Variants in AOPEP observed in about 807,000 individuals in gnomAD.
AOPEP encodes the protein aminopeptidase O.
A neutral mutation model predicts 98.1 loss-of-function variants in AOPEP; 77 were observed. The ratio of observed to expected loss-of-function variants is 0.78; its 90% CI spans 0.65 to 0.95. The LOEUF is 0.95. AOPEP is among the 40% of genes least tolerant of loss of function. The pLI, the probability that AOPEP is intolerant of heterozygous loss-of-function variation, is 0.00. For missense variants in AOPEP, 1,024 were observed against 1,024.7 expected, an observed-to-expected ratio of 1.00 and a Z score of 0.01; for synonymous variants, 346 against 365.3, an observed-to-expected ratio of 0.95 and a Z score of 0.60.
chr9:94,727,287 A>G (rs988498834), intron 1 of AOPEP, among the ~76,000 whole-genome samples: 6 of 152,270 alleles, frequency 3.9e-5, no homozygotes, highest in Non-Finnish European at 5.9e-5. Flanking sequence ...TCATGAACGC[A>G]TGCATGGGCG....
At chr9:95,061,726 C>A (rs186071819) in intron 14 of AOPEP, among the ~76,000 whole-genome samples, 1 of 152,030 alleles carries the variant, frequency 6.6e-6, no homozygotes. Context: ...GAGAAAAGCC[C>A]GTTCCTTATT....
At chr9:94,873,867 T>G (rs1325112364) in intron 5 of AOPEP, among the ~76,000 whole-genome samples, 1 of 152,170 alleles carries the variant, frequency 6.6e-6, no homozygotes, top group Non-Finnish European at 1.5e-5. Flanking sequence ...CTGACATGTT[T>G]AGTCAAGTTA....
the AOPEP span, chr9:95,101,035 C>A: frequency 1.3e-5 from 3 of 234,318 alleles, no homozygotes; most frequent in East Asian, 1.8e-4. Flanking sequence ...ACATCCTCTA[C>A]CTTCGCCTGC....
At chr9:94,916,537 C>G (rs1248619721) in intron 5 of AOPEP, among the ~76,000 whole-genome samples, 6 of 151,840 alleles carry the variant, frequency 4.0e-5, no homozygotes. Flanking sequence ...ACTCCCGTCT[C>G]TACTAAAATA....
the AOPEP span, among the ~76,000 whole-genome samples, chr9:95,126,202 ATT>A: frequency 6.6e-6 from 1 of 152,202 alleles, no homozygotes; most frequent in African/African-American, 2.4e-5. Flanking sequence ...AAGGGAGTAT[ATT>A]GCTACCCTTT....
chr9:94,789,041 A>G (rs1288354699), intron 3 of AOPEP, among the ~76,000 whole-genome samples: 1 of 152,112 alleles, frequency 6.6e-6, no homozygotes. Flanking sequence ...TGGAGCTTCT[A>G]AGGGGTAAAA....
At chr9:94,750,129 A>G (rs1463235639) in intron 1 of AOPEP, among the ~76,000 whole-genome samples, 2 of 152,210 alleles carry the variant, frequency 1.3e-5, no homozygotes, top group East Asian at 1.9e-4. Context: ...GATCTCCTCC[A>G]TACTTGCATG....
the AOPEP span, chr9:95,101,502 T>C: frequency 6.2e-6 from 4 of 641,728 alleles, no homozygotes; most frequent in South Asian, 3.7e-5. Flanking sequence ...TTAGTGAACA[T>C]GTCTGACTGA....
the AOPEP span, chr9:95,126,636 A>G: frequency 1.3e-6 from 2 of 1,573,040 alleles, no homozygotes; most frequent in East Asian, 2.2e-5. Flanking sequence ...TTTCTCAGAA[A>G]CTTGCTATTA....
chr9:94,760,406 G>C lies in AOPEP; in HGVS notation c.623G>C (p.Arg208Pro). The change falls in exon 2 of 17, where the codon CGC becomes CCC. Residue 208 changes from arginine (R) to proline (P), a missense_variant. Physicochemically the swap from Arg to Pro is moderately radical, Grantham distance 103 (BLOSUM62 -2). Around this residue, in one of 3 missense-constraint regions of AOPEP, gnomAD observed 440 missense variants for 433.8 expected, o/e 1.01. Transcript: ENST00000375315. The part of the protein sequence containing the change: ...RWREQLDYYA[R>P]CSQAPGCGEL... The stretch of plus-strand genomic sequence containing the variant: ...AGGGAGCAGTTAGACTATTACGCTC[G>C]CTGCAGCCAGGCTCCTGGCTGTGGG... 6.2e-7 allele frequency: 1 copy of C among 1,613,934 alleles called. No individual in the cohort carries two copies. Among genetic ancestry groups the C allele is most frequent in the South Asian group, 1.1e-5 (1 of 91,052 alleles).
In AOPEP at chr9:94,855,660, C is replaced by T. The variant is rs551673759; in HGVS notation, c.1364+54658C>T. On this transcript the variant is annotated intron_variant, in intron 5 of 16. Coordinates refer to ENST00000375315, the MANE Select transcript of AOPEP (RefSeq NM_001193329.3). ...GAGCCAAGATTGCGCCACTGCACTC[C>T]AGCCTGGGCAACAAGAACGAAACTC... 1.1e-4 allele frequency among the ~76,000 whole-genome samples: 16 copies of T among 152,092 alleles called. No individual in the cohort carries two copies. The South Asian group carries it at 3.3e-3, about 32-fold the overall frequency.
At chr9:94,988,352 C>T (rs984176436) in intron 11 of AOPEP, among the ~76,000 whole-genome samples, 3 of 152,002 alleles carry the variant, frequency 2.0e-5, no homozygotes, top group South Asian at 2.1e-4. Flanking sequence ...TTCACAATCT[C>T]GGATTAGACG....
At chr9:94,880,139 G>A (rs2047396372) in intron 5 of AOPEP, among the ~76,000 whole-genome samples, 1 of 152,130 alleles carries the variant, frequency 6.6e-6, no homozygotes, top group Admixed American at 6.5e-5. Context: ...GATTTAACAT[G>A]CACATCGGCT....
At chr9:94,988,131 A>G (rs12236420) in intron 11 of AOPEP, among the ~76,000 whole-genome samples, 11,749 of 152,234 alleles carry the variant, frequency 0.077, 1,141 homozygotes, top group African/African-American at 0.22. Flanking sequence ...GGATACTTCT[A>G]AAAACAGCAT....
chr9:95,100,478 A>G, the AOPEP span: 1 of 231,978 alleles, frequency 4.3e-6, no homozygotes, highest in East Asian at 6.1e-5. Context: ...TCAGACTAAT[A>G]CACACAAATC....
chr9:95,014,491 G>T (rs1307694771), intron 13 of AOPEP, among the ~76,000 whole-genome samples: 9 of 151,788 alleles, frequency 5.9e-5, no homozygotes, highest in Admixed American at 5.9e-4. Context: ...AAAGAGAAAA[G>T]AAACTTAAGA....
At chr9:94,848,747 G>A (rs1347170067) in intron 5 of AOPEP, among the ~76,000 whole-genome samples, 2 of 152,142 alleles carry the variant, frequency 1.3e-5, no homozygotes, top group Non-Finnish European at 2.9e-5. Context: ...TAATAGCCCA[G>A]GTAAAAGGGG....
the AOPEP span, chr9:95,111,685 T>C: frequency 1.2e-6 from 2 of 1,611,672 alleles, no homozygotes; most frequent in South Asian, 1.1e-5. Context: ...AAATTCTTCT[T>C]CCTTTGGGTT....
chr9:95,082,692 G>A lies in AOPEP; in HGVS notation c.2437G>A (p.Val813Met), dbSNP rs911051946. Reference sequence around the variant, plus strand: ...GCAGATGGATAGGTCCTCAGCCCAGGTGGTGGCCGAAATGTTATTTTAACG... The same window carrying A: ...GCAGATGGATAGGTCCTCAGCCCAGATGGTGGCCGAAATGTTATTTTAACG... Reference protein sequence around the residue: ...KEQMDRSSAQVVAEMLF With the variant: ...KEQMDRSSAQMVAEMLF Residue 813 changes from valine (V) to methionine (M), a missense_variant, in exon 16 of 17, where the codon GTG (valine) becomes ATG (methionine). Val to Met is a conservative substitution (Grantham distance 21). Around this residue, in one of 3 missense-constraint regions of AOPEP, gnomAD observed 566 missense variants for 551.7 expected, o/e 1.03. Transcript: ENST00000375315. 3 of 1,614,234 alleles carry A rather than the reference G, an allele frequency of 1.9e-6. No individual in the cohort carries two copies. The Admixed American group carries it at 5.0e-5, about 27-fold the overall frequency.
Sources: gnomAD v4.1 joint callset for allele counts (sites outside exome capture counted in the v4.1 genomes callset) on GRCh38, gnomAD v4.1.1 for gene constraint, gnomAD v4.1.1 regional missense constraint, MANE v1.5 for transcripts, NCBI Gene and HGNC (gene_info 2026-07-23, HGNC 2026-07-21) for gene names.